CLEC16A: variants seen among roughly 807,000 people sequenced by gnomAD.
The protein encoded by CLEC16A is protein CLEC16A.
A neutral mutation model predicts 109.5 loss-of-function variants in CLEC16A; 51 were observed. That is an observed-to-expected ratio of 0.47 (90% CI 0.37 to 0.59). The LOEUF (loss-of-function observed/expected upper bound fraction) is 0.59, where lower values mean the gene tolerates loss of function less well. Ranked by LOEUF, CLEC16A falls within the 20% of genes least tolerant of loss-of-function variation. The probability of loss-of-function intolerance (pLI) is 0.00; values close to 1 mark genes in which losing one functional copy is unlikely to be tolerated. For missense variants in CLEC16A, 1,339 were observed against 1,394.0 expected, an observed-to-expected ratio of 0.96 and a Z score of 0.63; for synonymous variants, 673 against 564.2, an observed-to-expected ratio of 1.19 and a Z score of -2.73.
At chr16:11,069,571 G>C (rs1597279116) in intron 19 of CLEC16A, among the ~76,000 whole-genome samples, 1 of 150,590 alleles carries the variant, frequency 6.6e-6, no homozygotes, top group East Asian at 2.0e-4. Context: ...CTGAGTAACT[G>C]AGATCACAGT....
intron 3 of CLEC16A, 65 bp from the exon 4 acceptor site, chr16:10,969,096 G>A (rs140377949): frequency 4.6e-5 from 64 of 1,392,356 alleles, no homozygotes; most frequent in Non-Finnish European, 6.2e-5. Context: ...GTGGTCATCT[G>A]CTTGTTACCT....
At chr16:11,026,571 A>T (rs141002701) in intron 13 of CLEC16A, among the ~76,000 whole-genome samples, 14 of 146,472 alleles carry the variant, frequency 9.6e-5, no homozygotes, top group African/African-American at 3.3e-4. Flanking sequence ...CTAGAGGATT[A>T]TTAATTTTAT....
intron 19 of CLEC16A, among the ~76,000 whole-genome samples, chr16:11,120,320 A>G (rs1400750517): frequency 6.6e-6 from 1 of 152,392 alleles, no homozygotes. Flanking sequence ...TGCAGTAAAC[A>G]TTGGACAGAT....
rs76986891 is a variant in CLEC16A, at chr16:11,078,726, T to C, written c.2116+17704T>C. On this transcript the variant is annotated intron_variant, in intron 19 of 23. Coordinates refer to ENST00000409790, the MANE Select transcript of CLEC16A (RefSeq NM_015226.3). Reference sequence around the variant, plus strand: ...ATGTCAGATGAAATCCTGGTTTCTTTACCAGGGAGAATCATGCTGGGCACT... The same window carrying C: ...ATGTCAGATGAAATCCTGGTTTCTTCACCAGGGAGAATCATGCTGGGCACT... Among the ~76,000 whole-genome samples, 101 of 152,308 alleles carry C rather than the reference T, an allele frequency of 6.6e-4. No individual in the cohort carries two copies. In the East Asian group the frequency reaches 0.015, roughly 22 times the overall value.
At chr16:11,153,781 T>G (rs1389215944) in intron 22 of CLEC16A, among the ~76,000 whole-genome samples, 2 of 152,104 alleles carry the variant, frequency 1.3e-5, no homozygotes, top group African/African-American at 2.4e-5. Flanking sequence ...GATGAAATAT[T>G]AATAATACTA....
At chr16:11,171,283 A>G (rs1436610344) in intron 23 of CLEC16A, among the ~76,000 whole-genome samples, 1 of 152,224 alleles carries the variant, frequency 6.6e-6, no homozygotes, top group East Asian at 1.9e-4. Context: ...CTCCGTGTGC[A>G]GCACCTGCCT....
chr16:11,013,940 A>T (rs1048651300), intron 11 of CLEC16A, among the ~76,000 whole-genome samples: 1 of 151,790 alleles, frequency 6.6e-6, no homozygotes, highest in African/African-American at 2.4e-5. Flanking sequence ...CTCTGTCTCA[A>T]AAAAAAGAAG....
chr16:11,120,400 T>TC (rs1318885136), intron 19 of CLEC16A, among the ~76,000 whole-genome samples: 1 of 152,218 alleles, frequency 6.6e-6, no homozygotes, highest in African/African-American at 2.4e-5. Context: ...GCATTCTCTT[T>TC]ATTATCCAGA....
intron 19 of CLEC16A, among the ~76,000 whole-genome samples, chr16:11,084,112 C>T (rs1237411844): frequency 6.6e-6 from 1 of 151,978 alleles, no homozygotes; most frequent in Non-Finnish European, 1.5e-5. Flanking sequence ...CCTTTTAGTC[C>T]CCTGCTTGCT....
chr16:11,061,906 A>G (rs1250193009), intron 19 of CLEC16A, among the ~76,000 whole-genome samples: 1 of 152,172 alleles, frequency 6.6e-6, no homozygotes, highest in African/African-American at 2.4e-5. Context: ...CATCCTCAGG[A>G]GGGCTCTCAC....
At chr16:10,980,937 A>T (rs371865215) in intron 9 of CLEC16A, among the ~76,000 whole-genome samples, 9 of 152,334 alleles carry the variant, frequency 5.9e-5, no homozygotes, top group African/African-American at 1.9e-4. Flanking sequence ...ATTTTTATGG[A>T]TGACGTTAAT....
intron 22 of CLEC16A, chr16:11,157,346 C>G: frequency 1.6e-6 from 1 of 613,852 alleles, no homozygotes; most frequent in South Asian, 3.1e-5. Flanking sequence ...AGACCTGCGC[C>G]CTGGGCTGGA....
At chr16:10,983,501 G>C (rs1036713174) in intron 10 of CLEC16A, among the ~76,000 whole-genome samples, 2 of 152,172 alleles carry the variant, frequency 1.3e-5, no homozygotes, top group Admixed American at 1.3e-4. Flanking sequence ...CTAGAGAAGC[G>C]GGAAAAACGC....
At chr16:11,109,338 A>T (rs1045172113) in intron 19 of CLEC16A, among the ~76,000 whole-genome samples, 1 of 151,948 alleles carries the variant, frequency 6.6e-6, no homozygotes, top group Non-Finnish European at 1.5e-5. Context: ...ATTATTTGTA[A>T]AGACGAGGTC....
chr16:11,038,491 G>GAAC (rs1361494807), intron 13 of CLEC16A, among the ~76,000 whole-genome samples: 2 of 152,198 alleles, frequency 1.3e-5, no homozygotes, highest in Non-Finnish European at 2.9e-5. Context: ...CTCCAGGCAG[G>GAAC]AACTGTTCTA....
chr16:11,003,809 C>T (rs2044818136), intron 11 of CLEC16A, among the ~76,000 whole-genome samples: 3 of 151,702 alleles, frequency 2.0e-5, no homozygotes, highest in Admixed American at 6.6e-5. Context: ...CTGTGCACTG[C>T]GGGAAGAAAG....
chr16:10,965,132 A>C (rs2042439560), intron 3 of CLEC16A, among the ~76,000 whole-genome samples: 1 of 152,194 alleles, frequency 6.6e-6, no homozygotes, highest in Non-Finnish European at 1.5e-5. Context: ...GAGATCATGC[A>C]GTATGCGTGG....
chr16:11,016,722 T>TC (rs1192208331), intron 11 of CLEC16A, among the ~76,000 whole-genome samples: 1 of 152,182 alleles, frequency 6.6e-6, no homozygotes, highest in Non-Finnish European at 1.5e-5. Context: ...CTTGTTTTTT[T>TC]CCCAAAATTT....
intron 22 of CLEC16A, among the ~76,000 whole-genome samples, chr16:11,146,936 C>A (rs1039984081): frequency 7.9e-5 from 12 of 152,098 alleles, no homozygotes; most frequent in Non-Finnish European, 1.8e-4. Context: ...GAACTTCCCA[C>A]CATGTTTGGT....
Sources: gnomAD v4.1 joint callset for allele counts (sites outside exome capture counted in the v4.1 genomes callset) on GRCh38, gnomAD v4.1.1 for gene constraint, MANE v1.5 for transcripts, NCBI Gene and HGNC (gene_info 2026-07-23, HGNC 2026-07-21) for gene names.